GRIK2: variants seen among roughly 807,000 people sequenced by gnomAD.
GRIK2 encodes the protein glutamate receptor ionotropic, kainate 2.
GRIK2 carries 32 observed loss-of-function variants against 100.3 expected under a neutral mutation model. The ratio of observed to expected loss-of-function variants is 0.32; its 90% CI spans 0.24 to 0.43. GRIK2 has a LOEUF of 0.43. Ranked by LOEUF, GRIK2 falls within the 20% of genes least tolerant of loss-of-function variation. The probability of loss-of-function intolerance (pLI) is 1.00; values close to 1 mark genes in which losing one functional copy is unlikely to be tolerated. For missense variants in GRIK2, 843 were observed against 1,114.9 expected (o/e 0.76, Z 3.47); for synonymous variants, 417 against 389.4 (o/e 1.07, Z -0.83).
At chr6:101,614,724 A>G (rs1433877949) in intron 2 of GRIK2, among the ~76,000 whole-genome samples, 1 of 151,772 alleles carries the variant, frequency 6.6e-6, no homozygotes, top group Non-Finnish European at 1.5e-5. Context: ...GAAAATCAAC[A>G]TATCTTCTGG....
chr6:101,908,151 T>G (rs2128464332), intron 12 of GRIK2, among the ~76,000 whole-genome samples: 1 of 151,702 alleles, frequency 6.6e-6, no homozygotes, highest in South Asian at 2.1e-4. Flanking sequence ...AAGAAAATTT[T>G]ATTTATTATA....
At chr6:101,456,116 GA>G (rs945373748) in intron 2 of GRIK2, among the ~76,000 whole-genome samples, 2 of 148,798 alleles carry the variant, frequency 1.3e-5, no homozygotes, top group African/African-American at 4.9e-5. Flanking sequence ...AATTGGGACA[GA>G]TTTTTTTTTT....
At chr6:102,010,765 G>A (rs867591072) in intron 14 of GRIK2, among the ~76,000 whole-genome samples, 1 of 151,442 alleles carries the variant, frequency 6.6e-6, no homozygotes, top group African/African-American at 2.4e-5. Flanking sequence ...ATATCATACA[G>A]TTAGAATTAT....
chr6:101,565,465 A>G (rs888035712), intron 2 of GRIK2, among the ~76,000 whole-genome samples: 1 of 152,086 alleles, frequency 6.6e-6, no homozygotes, highest in African/African-American at 2.4e-5. Flanking sequence ...GCATTTTTAT[A>G]TGTTCTTTGA....
intron 2 of GRIK2, among the ~76,000 whole-genome samples, chr6:101,428,910 T>G (rs1392972953): frequency 6.6e-6 from 1 of 152,220 alleles, no homozygotes; most frequent in African/African-American, 2.4e-5. Context: ...TTTATCATTG[T>G]TCTTTCTCCT....
chr6:101,450,302 T>G (rs185580383), intron 2 of GRIK2, among the ~76,000 whole-genome samples: 2 of 151,840 alleles, frequency 1.3e-5, no homozygotes, highest in African/African-American at 4.8e-5. Flanking sequence ...AGAGCCATCA[T>G]AGGTTTTTTT....
rs536712728 is a variant in GRIK2, at chr6:102,064,404, T to C, written c.2563-3943T>C. Reference sequence around the variant, plus strand: ...TTTCTTTCCTTTCTCTCTCTCTCTCTCCCTCCCTCCTTTCTTTCTTTCTCT... The same window carrying C: ...TTTCTTTCCTTTCTCTCTCTCTCTCCCCCTCCCTCCTTTCTTTCTTTCTCT... On this transcript the variant is annotated intron_variant, in intron 16 of 16. Transcript: ENST00000369134. Among the ~76,000 whole-genome samples, 376 of 129,904 alleles carry C rather than the reference T, an allele frequency of 2.9e-3. 1 individual carries two copies. The highest frequency in any genetic ancestry group is 9.8e-3 in the African/African-American group (354 of 36,146). The allele number at this position is 129,904 out of a possible 152,430, so 85.2% of individuals were successfully genotyped here. A position where few individuals can be genotyped will look rare whatever the true frequency, so the allele number is the denominator to read the frequency against.
intron 7 of GRIK2, among the ~76,000 whole-genome samples, chr6:101,720,682 T>G (rs558978758): frequency 6.6e-6 from 1 of 152,048 alleles, no homozygotes; most frequent in East Asian, 1.9e-4. Context: ...TATGGAAATA[T>G]CAATTTTCAA....
chr6:101,828,413 GA>G (rs1468017862), intron 10 of GRIK2, among the ~76,000 whole-genome samples: 6 of 151,742 alleles, frequency 4.0e-5, no homozygotes, highest in African/African-American at 1.2e-4. Flanking sequence ...GCGTAAAAAA[GA>G]AATAACTATA....
intron 16 of GRIK2, chr6:102,063,848 A>G (rs1002523977): frequency 4.4e-5 from 25 of 563,966 alleles, no homozygotes. Context: ...CAAGAATTAG[A>G]GATGTGTAAA....
At chr6:101,748,865 C>T (rs375829773) in intron 7 of GRIK2, among the ~76,000 whole-genome samples, 4 of 151,996 alleles carry the variant, frequency 2.6e-5, no homozygotes, top group African/African-American at 9.7e-5. Context: ...TTTATTTTGT[C>T]TAGGAAGAAG....
At chr6:101,762,934 A>G (rs2128392975) in intron 7 of GRIK2, among the ~76,000 whole-genome samples, 1 of 152,306 alleles carries the variant, frequency 6.6e-6, no homozygotes, top group African/African-American at 2.4e-5. Context: ...TGACTGAATC[A>G]TCAGACTTAA....
chr6:101,899,710 T>G (rs1787715092), intron 12 of GRIK2, among the ~76,000 whole-genome samples: 1 of 152,146 alleles, frequency 6.6e-6, no homozygotes, highest in African/African-American at 2.4e-5. Context: ...ATGGATAAAC[T>G]TAATATTTGA....
chr6:101,401,183 G>A (rs535304510), intron 2 of GRIK2, among the ~76,000 whole-genome samples: 1 of 152,082 alleles, frequency 6.6e-6, no homozygotes, highest in South Asian at 2.1e-4. Context: ...CGACTAGATG[G>A]AAAAAAGAAG....
rs1050179044 is a variant in GRIK2, at chr6:101,745,425, C to T, written c.952-54223C>T. Among the ~76,000 whole-genome samples the T allele has an allele frequency of 3.9e-5, 6 of 152,114 alleles. No homozygotes were observed. The East Asian group carries it at 1.2e-3, about 29-fold the overall frequency. On this transcript the variant is annotated intron_variant, in intron 7 of 16. Transcript: ENST00000369134. ...GGGCCTGGCATTCTATTGATGATTA[C>T]CAATACAGTCATGTATTGCTTAAAA...
intron 1 of GRIK2, among the ~76,000 whole-genome samples, chr6:101,396,648 T>A (rs925118047): frequency 2.0e-5 from 3 of 152,204 alleles, no homozygotes; most frequent in Non-Finnish European, 2.9e-5. Context: ...CTTTACTCTG[T>A]GTAGTAGAAA....
chr6:101,840,904 T>TCG (rs1248339368), intron 10 of GRIK2, among the ~76,000 whole-genome samples: 6 of 152,356 alleles, frequency 3.9e-5, no homozygotes, highest in African/African-American at 1.4e-4. Flanking sequence ...AGAAATGCTT[T>TCG]CGCCATATAG....
chr6:101,878,332 A>T (rs998225513), intron 11 of GRIK2, among the ~76,000 whole-genome samples: 7 of 79,412 alleles, frequency 8.8e-5, no homozygotes, highest in Admixed American at 1.9e-4. Context: ...TGGAGCCTTC[A>T]AAGTGTCAAG....
At chr6:101,811,661 A>T (rs1365700671) in intron 9 of GRIK2, among the ~76,000 whole-genome samples, 2 of 151,996 alleles carry the variant, frequency 1.3e-5, no homozygotes, top group Non-Finnish European at 2.9e-5. Context: ...GAAATGTGTG[A>T]CATTGATCCG....
Sources: allele counts gnomAD v4.1 joint callset (sites outside exome capture counted in the v4.1 genomes callset), GRCh38; gene constraint gnomAD v4.1.1; transcripts MANE v1.5; gene names NCBI Gene and HGNC (gene_info 2026-07-23, HGNC 2026-07-21).